DTNBP1: variants seen among roughly 807,000 people sequenced by gnomAD.
DTNBP1 encodes the protein dystrobrevin binding protein 1.
A neutral mutation model predicts 42.8 loss-of-function variants in DTNBP1; 35 were observed. The ratio of observed to expected loss-of-function variants is 0.82; its 90% CI spans 0.63 to 1.09. DTNBP1 has a LOEUF of 1.09. DTNBP1 is among the 50% of genes least tolerant of loss of function. The probability of loss-of-function intolerance (pLI) is 0.00; values close to 1 mark genes in which losing one functional copy is unlikely to be tolerated. For missense variants in DTNBP1, 457 were observed against 424.2 expected (o/e 1.08, Z -0.68); for synonymous variants, 171 against 162.2 (o/e 1.05, Z -0.41).
chr6:15,573,857 C>T lies in DTNBP1; in HGVS notation c.511+19202G>A, dbSNP rs546489400. Among the ~76,000 whole-genome samples, 69 of 152,206 alleles carry T rather than the reference C, an allele frequency of 4.5e-4. 1 individual carries two copies. Among genetic ancestry groups the T allele is most frequent in the East Asian group, 5.8e-4 (3 of 5,170 alleles). ...GAGCAGCTGGGATTACAGGTGCCCA[C>T]CACCATGCCTGGCTAATTGTTGTAT... On this transcript the variant is annotated intron_variant, in intron 7 of 9. Transcript: ENST00000344537.
chr6:15,553,594 C>CTTTTTTTTTTTTTTTTT (rs56173414), intron 7 of DTNBP1, among the ~76,000 whole-genome samples: 2,273 of 72,304 alleles, frequency 0.031, 426 homozygotes, highest in South Asian at 0.045. Flanking sequence ...GACAAGTGAG[C>CTTTTTTTTTTTTTTTTT]TTTTTTTTTT....
intron 6 of DTNBP1, among the ~76,000 whole-genome samples, chr6:15,595,428 G>A (rs1007847479): frequency 1.3e-5 from 2 of 151,584 alleles, no homozygotes; most frequent in Non-Finnish European, 2.9e-5. Context: ...CCACATGCCT[G>A]GCTAATTTTT....
chr6:15,607,912 C>T (rs560237536), intron 6 of DTNBP1, among the ~76,000 whole-genome samples: 54 of 152,184 alleles, frequency 3.5e-4, no homozygotes, highest in African/African-American at 1.3e-3. Context: ...ACCTTTCTGC[C>T]CTGTTTTTCA....
chr6:15,523,708 C>G lies in DTNBP1; in HGVS notation c.812-489G>C, dbSNP rs925933450. 5 of 1,287,092 alleles carry G rather than the reference C, an allele frequency of 3.9e-6. No individual in the cohort carries two copies. In the Admixed American group the frequency reaches 9.2e-5, roughly 24 times the overall value. The allele number at this position is 1,287,092 out of a possible 1,614,324, so 79.7% of individuals were successfully genotyped here. ...ATTCTATATGCAGGTGTCACTGTTT[C>G]TAAATCTTCCCCTGACTCTGGGTGA... On this transcript the variant is annotated intron_variant, in intron 9 of 9. Transcript: ENST00000344537.
chr6:15,651,405 C>T lies in DTNBP1; in HGVS notation c.111-42G>A, dbSNP rs371555361. Reference sequence around the variant, plus strand: ...CTTATTAAAACTGTTCTTGATTTAGCCAACTGAAAAAAAAAAAAAGGTACA... The same window carrying T: ...CTTATTAAAACTGTTCTTGATTTAGTCAACTGAAAAAAAAAAAAAGGTACA... On this transcript the variant is annotated intron_variant, in intron 2 of 9. Coordinates refer to ENST00000344537, the MANE Select transcript of DTNBP1 (RefSeq NM_032122.5). The T allele has an allele frequency of 2.5e-6, 4 of 1,593,892 alleles. No homozygotes were observed. The African/African-American group carries it at 5.5e-5, about 22-fold the overall frequency.
At chr6:15,577,853 G>A (rs967775580) in intron 7 of DTNBP1, among the ~76,000 whole-genome samples, 1 of 152,196 alleles carries the variant, frequency 6.6e-6, no homozygotes, top group Non-Finnish European at 1.5e-5. Flanking sequence ...CGGTGGGAAG[G>A]TAAAGAGCTT....
intron 6 of DTNBP1, chr6:15,614,979 A>T (rs1482229052): frequency 2.1e-6 from 1 of 487,364 alleles, no homozygotes; most frequent in East Asian, 5.1e-5. Context: ...CCTCTTGGAG[A>T]AAACTAGCTC....
intron 7 of DTNBP1, among the ~76,000 whole-genome samples, chr6:15,543,965 C>T (rs1773729774): frequency 6.6e-6 from 1 of 152,168 alleles, no homozygotes; most frequent in Non-Finnish European, 1.5e-5. Context: ...TGTGCTCTCG[C>T]CATTGTTCCA....
intron 1 of DTNBP1, among the ~76,000 whole-genome samples, chr6:15,659,664 T>C (rs1761487003): frequency 6.6e-6 from 1 of 152,030 alleles, no homozygotes; most frequent in Admixed American, 6.5e-5. Flanking sequence ...GAGATTCTTC[T>C]GCCTCAGCCT....
chr6:15,625,762 C>G (rs1219724049), intron 5 of DTNBP1, among the ~76,000 whole-genome samples: 1 of 152,150 alleles, frequency 6.6e-6, no homozygotes, highest in Non-Finnish European at 1.5e-5. Context: ...CATAAGAGAA[C>G]ATGTCTGCAA....
chr6:15,553,489 G>C (rs937457336), intron 7 of DTNBP1, among the ~76,000 whole-genome samples: 1 of 150,292 alleles, frequency 6.7e-6, no homozygotes, highest in Non-Finnish European at 1.5e-5. Flanking sequence ...GACATAAACT[G>C]TTTTAGGCCT....
chr6:15,561,252 G>T (rs1297250825), intron 7 of DTNBP1, among the ~76,000 whole-genome samples: 3 of 152,208 alleles, frequency 2.0e-5, no homozygotes, highest in Non-Finnish European at 4.4e-5. Context: ...ATTAGAATCA[G>T]CCACTCCAAG....
rs575714325 is a variant in DTNBP1, at chr6:15,537,078, C to T, written c.512-3683G>A. 2.0e-4 allele frequency among the ~76,000 whole-genome samples: 30 copies of T among 152,310 alleles called. 1 individual carries two copies. The South Asian group carries it at 6.2e-3, about 32-fold the overall frequency. ...ACTAACTTGCTTTTGACTTTATGGGCTCCTAGGCTAGACATTTGCCTTGTG... is the reference window on the plus strand; with the variant it reads ...ACTAACTTGCTTTTGACTTTATGGGTTCCTAGGCTAGACATTTGCCTTGTG... On this transcript the variant is annotated intron_variant, in intron 7 of 9. Transcript: ENST00000344537.
intron 7 of DTNBP1, among the ~76,000 whole-genome samples, chr6:15,565,075 T>G (rs1775008925): frequency 6.6e-6 from 1 of 152,182 alleles, no homozygotes; most frequent in African/African-American, 2.4e-5. Context: ...CACTGCACTG[T>G]AGCCGTGACA....
At chr6:15,523,513 G>GC (rs1772074969) in intron 9 of DTNBP1, 2 of 1,276,452 alleles carry the variant, frequency 1.6e-6, no homozygotes, top group Admixed American at 6.0e-5. Flanking sequence ...AAAGGCAAGT[G>GC]CTGCCTATCT....
intron 7 of DTNBP1, among the ~76,000 whole-genome samples, chr6:15,547,791 C>A (rs115457223): frequency 2.4e-3 from 364 of 152,362 alleles, no homozygotes; most frequent in Non-Finnish European, 4.1e-3. Context: ...GTGACCAGAT[C>A]TGTGCTTTGT....
chr6:15,546,072 T>TA (rs1342505825), intron 7 of DTNBP1: 2 of 436,770 alleles, frequency 4.6e-6, no homozygotes, highest in African/African-American at 2.1e-5. Flanking sequence ...TCTTTTTTTT[T>TA]TTTTTTTTTT....
intron 6 of DTNBP1, among the ~76,000 whole-genome samples, chr6:15,612,890 A>G (rs1473077088): frequency 6.6e-6 from 1 of 152,196 alleles, no homozygotes; most frequent in Non-Finnish European, 1.5e-5. Context: ...TCATTTAACA[A>G]TGAAGACTAG....
intron 7 of DTNBP1, among the ~76,000 whole-genome samples, chr6:15,553,447 T>C (rs1388018959): frequency 6.6e-6 from 1 of 151,744 alleles, no homozygotes; most frequent in Non-Finnish European, 1.5e-5. Context: ...TCCAGAGAGA[T>C]GGTAAGTGGT....
Sources: gnomAD v4.1 joint callset for allele counts (sites outside exome capture counted in the v4.1 genomes callset) on GRCh38, gnomAD v4.1.1 for gene constraint, MANE v1.5 for transcripts, NCBI Gene and HGNC (gene_info 2026-07-23, HGNC 2026-07-21) for gene names.